The following SHISA6 variants were observed in gnomAD, a reference collection of about 807,000 sequenced individuals.
SHISA6 encodes shisa family member 6, also known as protein shisa-6.
Under a neutral mutation model 47.9 loss-of-function variants are expected in SHISA6, and 22 were observed. The ratio of observed to expected loss-of-function variants is 0.46; its 90% CI spans 0.33 to 0.66. The LOEUF is 0.66. Among genes scored for constraint, SHISA6 ranks in the 30% least tolerant of loss-of-function variants. The pLI is 0.02. For missense variants in SHISA6, 680 were observed against 764.6 expected, an observed-to-expected ratio of 0.89 and a Z score of 1.30; for synonymous variants, 388 against 337.8, an observed-to-expected ratio of 1.15 and a Z score of -1.63.
intron 2 of SHISA6, among the ~76,000 whole-genome samples, chr17:11,358,260 A>G (rs1310953422): frequency 6.6e-6 from 1 of 152,168 alleles, no homozygotes; most frequent in African/African-American, 2.4e-5. Context: ...CTACTAGTCT[A>G]GGTACCTCAT....
At chr17:11,551,434 C>T (rs1479033341) in intron 3 of SHISA6, among the ~76,000 whole-genome samples, 4 of 152,144 alleles carry the variant, frequency 2.6e-5, no homozygotes, top group Non-Finnish European at 5.9e-5. Flanking sequence ...TGTATAAAGG[C>T]TTAGGGACAA....
intron 2 of SHISA6, among the ~76,000 whole-genome samples, chr17:11,305,398 AG>A (rs1406239973): frequency 6.6e-6 from 1 of 152,200 alleles, no homozygotes; most frequent in Non-Finnish European, 1.5e-5. Flanking sequence ...GCACAGGAAG[AG>A]GGGGAGCAAA....
At position 11,526,900 on chromosome 17, in the gene SHISA6, T is replaced by TATATATATATATATATATAC. The variant is rs1567629829; in HGVS notation, c.896-24977_896-24976insCATATATATATATATATATA. ...ATCATCATATATATATATATATATATATATATATATATATATATATATATA... is the reference window on the plus strand; with the variant it reads ...ATCATCATATATATATATATATATATATATATATATATATATATACATATATATATATATATATATATATA... On this transcript the variant is annotated intron_variant, in intron 3 of 5. Coordinates refer to ENST00000441885, the MANE Select transcript of SHISA6 (RefSeq NM_207386.4). 7.5e-3 allele frequency among the ~76,000 whole-genome samples: 140 copies of TATATATATATATATATATAC among 18,732 alleles called. 2 individuals carry two copies. The highest frequency in any genetic ancestry group is 0.035 in the African/African-American group (136 of 3,836). 12.3% of individuals were successfully genotyped at this position (18,732 alleles called of 152,430 possible).
intron 2 of SHISA6, among the ~76,000 whole-genome samples, chr17:11,377,727 A>G (rs575892761): frequency 6.6e-6 from 1 of 152,168 alleles, no homozygotes; most frequent in Non-Finnish European, 1.5e-5. Flanking sequence ...AAGTCACCTG[A>G]ATAAACTGAG....
chr17:11,284,918 G>C (rs529296476), intron 2 of SHISA6, among the ~76,000 whole-genome samples: 3 of 152,264 alleles, frequency 2.0e-5, no homozygotes, highest in Non-Finnish European at 4.4e-5. Context: ...TCTAACCACA[G>C]TTGATCTGTT....
chr17:11,394,789 A>C (rs1181566749), intron 3 of SHISA6, among the ~76,000 whole-genome samples: 1 of 151,988 alleles, frequency 6.6e-6, no homozygotes, highest in African/African-American at 2.4e-5. Flanking sequence ...ACATTTTAAC[A>C]CATTTGGTTT....
rs147953664 is a variant in SHISA6 at position 11,549,038 on chromosome 17, A to G, written c.896-2858A>G. ...TACTACTATAAAAATGCCACAGCCA[A>G]TTGTCTCACACAATTGTCATTCTGC... On this transcript the variant is annotated intron_variant, in intron 3 of 5. Coordinates refer to ENST00000441885, the MANE Select transcript of SHISA6 (RefSeq NM_207386.4). Among the ~76,000 whole-genome samples, 18 of 152,338 alleles carry G rather than the reference A, an allele frequency of 1.2e-4. No individual in the cohort carries two copies. In the East Asian group the frequency reaches 1.4e-3, roughly 11 times the overall value.
intron 3 of SHISA6, among the ~76,000 whole-genome samples, chr17:11,387,837 A>G (rs1025982071): frequency 5.8e-4 from 89 of 152,172 alleles, no homozygotes; most frequent in African/African-American, 2.0e-3. Flanking sequence ...CCTACCCAGC[A>G]CTGCCTTCTG....
chr17:11,469,771 C>G (rs1023405174), intron 3 of SHISA6, among the ~76,000 whole-genome samples: 1 of 152,198 alleles, frequency 6.6e-6, no homozygotes, highest in African/African-American at 2.4e-5. Flanking sequence ...TTTCTCTTCT[C>G]TGGCTTCCCA....
chr17:11,523,084 G>A (rs1191686656), intron 3 of SHISA6, among the ~76,000 whole-genome samples: 6 of 152,072 alleles, frequency 3.9e-5, no homozygotes, highest in Non-Finnish European at 5.9e-5. Context: ...TCCAGGATAC[G>A]GATGCTGAGC....
At chr17:11,497,867 G>A (rs2071421162) in intron 3 of SHISA6, among the ~76,000 whole-genome samples, 1 of 152,174 alleles carries the variant, frequency 6.6e-6, no homozygotes, top group Non-Finnish European at 1.5e-5. Context: ...CATTTGAGTT[G>A]TTAAAGCCCA....
chr17:11,390,703 G>T (rs989227774), intron 3 of SHISA6, among the ~76,000 whole-genome samples: 30 of 152,124 alleles, frequency 2.0e-4, no homozygotes, highest in African/African-American at 7.2e-4. Context: ...CATGTTGGAA[G>T]CCAGGTTGTC....
chr17:11,298,234 T>TTA (rs1909815179), intron 2 of SHISA6, among the ~76,000 whole-genome samples: 2 of 152,204 alleles, frequency 1.3e-5, no homozygotes, highest in Non-Finnish European at 1.5e-5. Context: ...TCTATGTACT[T>TTA]TACTTCTGTG....
intron 2 of SHISA6, among the ~76,000 whole-genome samples, chr17:11,324,901 G>A (rs1409928425): frequency 6.6e-6 from 1 of 152,026 alleles, no homozygotes; most frequent in Non-Finnish European, 1.5e-5. Context: ...AGCGAGGGCC[G>A]GGTCTCCAAT....
rs907585135 is a variant in SHISA6 at position 11,558,881 on chromosome 17, A to G, written c.*577A>G. The G allele has an allele frequency of 6.3e-4, 97 of 155,090 alleles. 1 individual carries two copies. The highest frequency in any genetic ancestry group is 1.1e-3 in the Non-Finnish European group (77 of 69,936). 9.6% of individuals were successfully genotyped at this position (155,090 alleles called of 1,614,324 possible). A position where few individuals can be genotyped will look rare whatever the true frequency, so the allele number is the denominator to read the frequency against. Reference sequence around the variant, plus strand: ...AATGATTCTTTTCTTGCCTGCTGGAACTCTCTGGTCCCCACTGAGTGACCC... The same window carrying G: ...AATGATTCTTTTCTTGCCTGCTGGAGCTCTCTGGTCCCCACTGAGTGACCC... On this transcript the variant is annotated 3_prime_UTR_variant, in exon 6 of 6. Coordinates refer to ENST00000441885, the MANE Select transcript of SHISA6 (RefSeq NM_207386.4).
At chr17:11,471,928 C>A (rs1341404149) in intron 3 of SHISA6, among the ~76,000 whole-genome samples, 1 of 152,092 alleles carries the variant, frequency 6.6e-6, no homozygotes, top group Admixed American at 6.6e-5. Flanking sequence ...AATTGATACA[C>A]CTACATTTAT....
Position 11,470,949 on chromosome 17 carries a change from T to C in SHISA6, c.896-80947T>C, listed in dbSNP as rs140965128. On this transcript the variant is annotated intron_variant, in intron 3 of 5. Transcript: ENST00000441885. ...AAGAGGCCGGGTGTGGTGGTTCACA[T>C]CTGTAATCCCAGCACTCTGGGAGGC... Among the ~76,000 whole-genome samples the C allele has an allele frequency of 4.0e-3, 602 of 151,586 alleles. 4 individuals carry two copies. The highest frequency in any genetic ancestry group is 0.014 in the African/African-American group (569 of 41,366).
intron 2 of SHISA6, among the ~76,000 whole-genome samples, chr17:11,283,336 CAGG>C (rs907271405): frequency 6.6e-6 from 1 of 152,170 alleles, no homozygotes; most frequent in African/African-American, 2.4e-5. Flanking sequence ...TAAGGAGATT[CAGG>C]AGGTTTAAGC....
intron 2 of SHISA6, among the ~76,000 whole-genome samples, chr17:11,305,122 C>T (rs780580916): frequency 1.3e-5 from 2 of 152,140 alleles, no homozygotes; most frequent in Non-Finnish European, 2.9e-5. Context: ...GTGGTGTGCC[C>T]TTGGGCGAGT....
Sources: gnomAD v4.1 joint callset for allele counts (sites outside exome capture counted in the v4.1 genomes callset) on GRCh38, gnomAD v4.1.1 for gene constraint, MANE v1.5 for transcripts, NCBI Gene and HGNC (gene_info 2026-07-23, HGNC 2026-07-21) for gene names.